EYS: variants seen among roughly 807,000 people sequenced by gnomAD.
The protein encoded by EYS is EGF-like photoreceptor maintenance factor.
In EYS, 250 loss-of-function variants were observed where a neutral mutation model predicts 282.1. The ratio of observed to expected loss-of-function variants is 0.89; its 90% CI spans 0.80 to 0.98. The LOEUF (loss-of-function observed/expected upper bound fraction) is 0.98, where lower values mean the gene tolerates loss of function less well. Among genes scored for constraint, EYS ranks in the 50% least tolerant of loss-of-function variants. The pLI, the probability that EYS is intolerant of heterozygous loss-of-function variation, is 0.00. For synonymous variants in EYS, 1,355 were observed against 1,282.9 expected (o/e 1.06, Z -1.20); for missense variants, 4,016 against 3,709.0 (o/e 1.08, Z -2.15).
chr6:64,823,142 A>AT (rs937569888), intron 19 of EYS, among the ~76,000 whole-genome samples: 5 of 151,716 alleles, frequency 3.3e-5, no homozygotes, highest in African/African-American at 9.7e-5. Flanking sequence ...CTAATTCATA[A>AT]TTTTTTTTGT....
intron 30 of EYS, 67 bp downstream of exon 30, chr6:64,306,903 T>A: frequency 1.3e-6 from 1 of 788,258 alleles, no homozygotes; most frequent in South Asian, 1.6e-5. Flanking sequence ...TTATTTCAAT[T>A]GGAAATGATA....
At chr6:65,031,492 G>A (rs183199749) in intron 13 of EYS, among the ~76,000 whole-genome samples, 1 of 151,996 alleles carries the variant, frequency 6.6e-6, no homozygotes, top group Non-Finnish European at 1.5e-5. Flanking sequence ...TAAAATAATT[G>A]TTAGTAAATT....
At chr6:65,543,256 G>A (rs900055921) in intron 2 of EYS, among the ~76,000 whole-genome samples, 6 of 80,100 alleles carry the variant, frequency 7.5e-5, no homozygotes, top group Admixed American at 1.4e-4. Context: ...AACCTGCCTC[G>A]GCCTCCCAAA....
chr6:64,541,746 C>A (rs1435473325), intron 26 of EYS, among the ~76,000 whole-genome samples: 1 of 152,170 alleles, frequency 6.6e-6, no homozygotes, highest in African/African-American at 2.4e-5. Context: ...ACTGAGACAT[C>A]ATTTCTACAT....
chr6:64,591,076 A>G lies in EYS; in HGVS notation c.4791T>C (p.Tyr1597=). ...WMNSAILASW[Y]ALMGAQTITS... The stretch of plus-strand genomic sequence containing the variant: ...TGATAGTTTGAGCTCCCATTAGTGC[A>G]TACCAGCTGGCTAATATCGCTGAGT... The change falls in exon 26 of 43, where the codon TAT becomes TAC. Residue 1597 remains tyrosine, a synonymous_variant. Transcript: ENST00000503581. 1 of 1,551,352 alleles carries G rather than the reference A, an allele frequency of 6.4e-7. No individual in the cohort carries two copies.
At chr6:64,408,081 A>G (rs1167816248) in intron 28 of EYS, among the ~76,000 whole-genome samples, 1 of 152,040 alleles carries the variant, frequency 6.6e-6, no homozygotes, top group East Asian at 1.9e-4. Flanking sequence ...ACCATAAATT[A>G]TCTTTGGAGT....
At chr6:65,054,710 T>C (rs1328846824) in intron 13 of EYS, among the ~76,000 whole-genome samples, 1 of 152,092 alleles carries the variant, frequency 6.6e-6, no homozygotes, top group Admixed American at 6.6e-5. Context: ...ATGTGCATTT[T>C]AAAATAATTT....
At chr6:64,811,417 G>A (rs1185341712) in intron 22 of EYS, among the ~76,000 whole-genome samples, 2 of 114,500 alleles carry the variant, frequency 1.7e-5, no homozygotes, top group African/African-American at 2.7e-5. Flanking sequence ...CTGGCTTCAT[G>A]CTGTAAAAAA....
intron 12 of EYS, among the ~76,000 whole-genome samples, chr6:65,195,679 C>G (rs966576756): frequency 6.6e-6 from 1 of 151,896 alleles, no homozygotes; most frequent in Non-Finnish European, 1.5e-5. Context: ...AGCAACCAAG[C>G]AATTTTTCAT....
intron 30 of EYS, among the ~76,000 whole-genome samples, chr6:64,283,637 G>C (rs933387315): frequency 6.6e-6 from 1 of 152,106 alleles, no homozygotes; most frequent in Non-Finnish European, 1.5e-5. Context: ...CTTATAACAG[G>C]GGTATGCTTT....
intron 2 of EYS, among the ~76,000 whole-genome samples, chr6:65,558,247 C>T (rs1768895660): frequency 6.6e-6 from 1 of 152,240 alleles, no homozygotes; most frequent in Non-Finnish European, 1.5e-5. Context: ...TGGCCTCCCT[C>T]CCAAGCTCAC....
At position 63,866,678 on chromosome 6, in the gene EYS, G is replaced by A. The variant is rs150168280; in HGVS notation, c.7056-2320C>T. 4.0e-3 allele frequency among the ~76,000 whole-genome samples: 615 copies of A among 152,326 alleles called. 8 individuals are homozygous for A. The highest frequency in any genetic ancestry group is 0.013 in the African/African-American group (551 of 41,572). On this transcript the variant is annotated intron_variant, in intron 35 of 42. Transcript: ENST00000503581. ...GACGACTAACTGTGTGCATCTGTAT[G>A]TCAGCAGGCAACTAGAGTAGAGAGA...
chr6:64,611,280 C>A (rs542775374), intron 24 of EYS, among the ~76,000 whole-genome samples: 43 of 147,762 alleles, frequency 2.9e-4, no homozygotes, highest in Admixed American at 1.3e-4. Flanking sequence ...TGGACTTCCA[C>A]TATGTGGTGC....
At chr6:65,353,017 A>T (rs1179644301) in intron 9 of EYS, among the ~76,000 whole-genome samples, 1 of 151,936 alleles carries the variant, frequency 6.6e-6, no homozygotes, top group African/African-American at 2.4e-5. Flanking sequence ...TTTCTCATGG[A>T]AACCTTTTCT....
chr6:64,199,580 A>G (rs964314013), intron 31 of EYS, among the ~76,000 whole-genome samples: 7 of 152,214 alleles, frequency 4.6e-5, no homozygotes, highest in Non-Finnish European at 8.8e-5. Context: ...GACAAATGGG[A>G]TCTAATTAAA....
intron 12 of EYS, among the ~76,000 whole-genome samples, chr6:65,144,400 A>T (rs73439465): frequency 0.03 from 4,522 of 152,200 alleles, 90 homozygotes; most frequent in African/African-American, 0.058. Context: ...ATTTCTTTAG[A>T]CTTTTTATTC....
chr6:65,375,308 A>G (rs536962270), intron 8 of EYS, among the ~76,000 whole-genome samples: 1 of 152,280 alleles, frequency 6.6e-6, no homozygotes. Flanking sequence ...CCATCAGAAG[A>G]AAAACCAACA....
At chr6:64,851,824 A>C (rs1220925734) in intron 19 of EYS, among the ~76,000 whole-genome samples, 1 of 152,048 alleles carries the variant, frequency 6.6e-6, no homozygotes, top group African/African-American at 2.4e-5. Context: ...AAGGGAAAGG[A>C]TCAGGAAAAA....
intron 28 of EYS, among the ~76,000 whole-genome samples, chr6:64,394,392 C>G (rs149913839): frequency 0.031 from 4,695 of 152,196 alleles, 118 homozygotes; most frequent in South Asian, 0.08. Flanking sequence ...TACTACAAGG[C>G]TACAGTAACC....
Sources: allele counts gnomAD v4.1 joint callset (sites outside exome capture counted in the v4.1 genomes callset), GRCh38; gene constraint gnomAD v4.1.1; transcripts MANE v1.5; gene names NCBI Gene and HGNC (gene_info 2026-07-23, HGNC 2026-07-21).